The following TSPAN18 variants were observed in gnomAD, a reference collection of about 807,000 sequenced individuals.
TSPAN18 encodes the protein tetraspanin-18.
Under a neutral mutation model 27.3 loss-of-function variants are expected in TSPAN18, and 14 were observed. The ratio of observed to expected loss-of-function variants is 0.51; its 90% CI spans 0.34 to 0.80. The LOEUF is 0.80. Ranked by LOEUF, TSPAN18 falls within the 30% of genes least tolerant of loss-of-function variation. The pLI, the probability that TSPAN18 is intolerant of heterozygous loss-of-function variation, is 0.01. For missense variants in TSPAN18, 268 were observed against 323.9 expected, an observed-to-expected ratio of 0.83 and a Z score of 1.32; for synonymous variants, 143 against 136.5, an observed-to-expected ratio of 1.05 and a Z score of -0.33.
At chr11:44,902,177 A>G (rs919806642) in intron 3 of TSPAN18, among the ~76,000 whole-genome samples, 4 of 152,160 alleles carry the variant, frequency 2.6e-5, no homozygotes, top group African/African-American at 9.7e-5. Flanking sequence ...TGTAGACGTG[A>G]TAAGAGCTGT....
chr11:44,864,177 C>T (rs1369325875), intron 3 of TSPAN18, among the ~76,000 whole-genome samples: 1 of 149,654 alleles, frequency 6.7e-6, no homozygotes, highest in Non-Finnish European at 1.5e-5. Context: ...GTCCCAGCTA[C>T]TTGGGAGGCT....
At chr11:44,798,343 A>T (rs1856398137) in intron 2 of TSPAN18, among the ~76,000 whole-genome samples, 1 of 151,352 alleles carries the variant, frequency 6.6e-6, no homozygotes, top group South Asian at 2.1e-4. Flanking sequence ...GGGTACTGTC[A>T]TCACCATCCT....
intron 2 of TSPAN18, among the ~76,000 whole-genome samples, chr11:44,838,328 C>T (rs995906291): frequency 2.6e-5 from 4 of 152,118 alleles, no homozygotes; most frequent in Admixed American, 6.5e-5. Flanking sequence ...AATCAGATCT[C>T]ATGAGACTTA....
chr11:44,812,649 G>T (rs1250096986), intron 2 of TSPAN18, among the ~76,000 whole-genome samples: 2 of 152,086 alleles, frequency 1.3e-5, no homozygotes, highest in Non-Finnish European at 2.9e-5. Flanking sequence ...CATTCCTATT[G>T]CCCATCCACT....
chr11:44,830,242 C>A (rs543323537), intron 2 of TSPAN18, among the ~76,000 whole-genome samples: 1 of 152,356 alleles, frequency 6.6e-6, no homozygotes, highest in Admixed American at 6.5e-5. Context: ...GCAGATACAT[C>A]TCCTTGGAGA....
chr11:44,855,459 TATATTC>T (rs1244446864), intron 2 of TSPAN18, among the ~76,000 whole-genome samples: 1 of 152,224 alleles, frequency 6.6e-6, no homozygotes, highest in African/African-American at 2.4e-5. Flanking sequence ...CGACAATCAC[TATATTC>T]AAAGTGGTTC....
intron 2 of TSPAN18, among the ~76,000 whole-genome samples, chr11:44,838,258 C>T (rs1051702346): frequency 6.6e-6 from 1 of 152,134 alleles, no homozygotes; most frequent in Non-Finnish European, 1.5e-5. Flanking sequence ...AAAGGGAAAG[C>T]AAGGCATGTC....
intron 1 of TSPAN18, among the ~76,000 whole-genome samples, chr11:44,748,527 C>T (rs913621183): frequency 4.6e-5 from 7 of 152,240 alleles, no homozygotes; most frequent in Middle Eastern, 3.4e-3. Context: ...TTAGGCAGAC[C>T]GTGTGCCAAC....
At chr11:44,913,228 G>A (rs1465209098) in intron 5 of TSPAN18, among the ~76,000 whole-genome samples, 1 of 152,202 alleles carries the variant, frequency 6.6e-6, no homozygotes, top group Admixed American at 6.5e-5. Context: ...TGGCTCAAAG[G>A]TTCACAAAGC....
chr11:44,823,315 T>G (rs1856966288), intron 2 of TSPAN18, among the ~76,000 whole-genome samples: 1 of 152,012 alleles, frequency 6.6e-6, no homozygotes, highest in Admixed American at 6.6e-5. Context: ...ATTCAAAGGG[T>G]GAGGATGGGT....
intron 8 of TSPAN18, among the ~76,000 whole-genome samples, chr11:44,924,097 TTGTGTG>T (rs57394106): frequency 3.0e-4 from 44 of 145,852 alleles, no homozygotes; most frequent in East Asian, 1.0e-3. Flanking sequence ...CCTTCTGGGG[TTGTGTG>T]TGTGTGTGTG....
At chr11:44,767,813 T>C (rs76389849) in intron 2 of TSPAN18, among the ~76,000 whole-genome samples, 2,517 of 152,332 alleles carry the variant, frequency 0.017, 88 homozygotes, top group African/African-American at 0.057. Flanking sequence ...GTCATTCTAG[T>C]GTATGGGGAC....
chr11:44,871,141 C>G (rs1054332061), intron 3 of TSPAN18, among the ~76,000 whole-genome samples: 6 of 152,186 alleles, frequency 3.9e-5, no homozygotes, highest in African/African-American at 1.4e-4. Flanking sequence ...AGAGTATTTA[C>G]TCTTGCTGTC....
chr11:44,761,387 C>G (rs1353615454), intron 1 of TSPAN18, among the ~76,000 whole-genome samples: 1 of 152,190 alleles, frequency 6.6e-6, no homozygotes, highest in Non-Finnish European at 1.5e-5. Context: ...TCCCCTCCCC[C>G]GCAGAGAGGA....
At chr11:44,807,604 A>G (rs1172133322) in intron 2 of TSPAN18, among the ~76,000 whole-genome samples, 1 of 151,884 alleles carries the variant, frequency 6.6e-6, no homozygotes, top group Non-Finnish European at 1.5e-5. Flanking sequence ...AAATGAGTGA[A>G]TGAAGGTGGT....
chr11:44,820,456 G>A (rs1856903881), intron 2 of TSPAN18, among the ~76,000 whole-genome samples: 2 of 152,246 alleles, frequency 1.3e-5, no homozygotes, highest in African/African-American at 4.8e-5. Context: ...TATGGACAGA[G>A]CTTTTTGCAA....
At chr11:44,893,956 G>T (rs1032256781) in intron 3 of TSPAN18, among the ~76,000 whole-genome samples, 1 of 152,118 alleles carries the variant, frequency 6.6e-6, no homozygotes, top group Non-Finnish European at 1.5e-5. Context: ...GGTTAATGTG[G>T]CCATTAACAC....
intron 5 of TSPAN18, among the ~76,000 whole-genome samples, chr11:44,916,199 G>C (rs1291323811): frequency 6.6e-6 from 1 of 152,198 alleles, no homozygotes; most frequent in Non-Finnish European, 1.5e-5. Context: ...GGTGGACCCT[G>C]GCCCACACAG....
At chr11:44,738,406 G>A (rs989824689) in intron 1 of TSPAN18, among the ~76,000 whole-genome samples, 6 of 152,210 alleles carry the variant, frequency 3.9e-5, no homozygotes, top group African/African-American at 1.4e-4. Context: ...TACCTGCTCT[G>A]CAGCCTTGGA....
Sources: allele counts gnomAD v4.1 joint callset (sites outside exome capture counted in the v4.1 genomes callset), GRCh38; gene constraint gnomAD v4.1.1; transcripts MANE v1.5; gene names NCBI Gene and HGNC (gene_info 2026-07-23, HGNC 2026-07-21).